The following RBM6 variants were observed in gnomAD, a reference collection of about 807,000 sequenced individuals.
RBM6 encodes the protein RNA-binding protein 6.
Under a neutral mutation model 140.4 loss-of-function variants are expected in RBM6, and 23 were observed. The ratio of observed to expected loss-of-function variants is 0.16; its 90% CI spans 0.12 to 0.23. The LOEUF (loss-of-function observed/expected upper bound fraction) is 0.23. Ranked by LOEUF, RBM6 falls within the 10% of genes least tolerant of loss-of-function variation. The pLI is 1.00. For synonymous variants in RBM6, 439 were observed against 475.6 expected, an observed-to-expected ratio of 0.92 and a Z score of 1.00; for missense variants, 1,139 against 1,386.7, an observed-to-expected ratio of 0.82 and a Z score of 2.84.
chr3:50,000,176 T>C (rs73832789), intron 6 of RBM6, among the ~76,000 whole-genome samples: 3,190 of 152,250 alleles, frequency 0.021, 139 homozygotes, highest in African/African-American at 0.074. Context: ...TTCATCTATG[T>C]CTTTAATAGA....
At chr3:49,958,235 T>G (rs1404400763) in intron 1 of RBM6, among the ~76,000 whole-genome samples, 1 of 148,780 alleles carries the variant, frequency 6.7e-6, no homozygotes, top group Non-Finnish European at 1.5e-5. Context: ...ACCATCCTGG[T>G]TAACACAGTG....
chr3:49,954,137 G>GA (rs34880436), intron 1 of RBM6, among the ~76,000 whole-genome samples: 2,614 of 136,936 alleles, frequency 0.019, 63 homozygotes, highest in African/African-American at 0.046. Flanking sequence ...TAAGGTCTCA[G>GA]AAAAAAAAAA....
chr3:49,951,956 T>C (rs2083755592), intron 1 of RBM6, among the ~76,000 whole-genome samples: 1 of 151,942 alleles, frequency 6.6e-6, no homozygotes, highest in African/African-American at 2.4e-5. Flanking sequence ...CTCCTGATCT[T>C]GTGGTCCACC....
chr3:49,945,939 G>T (rs1265430006), intron 1 of RBM6, among the ~76,000 whole-genome samples: 1 of 150,432 alleles, frequency 6.6e-6, no homozygotes, highest in Non-Finnish European at 1.5e-5. Context: ...AATCCAGCAG[G>T]ACTGCTGTCT....
Position 50,040,517 on chromosome 3 carries a change from C to CACAT in RBM6, c.1558-7728_1558-7727insACAT, listed in dbSNP as rs1471313217. ...ATACACACACACACACACACACACA[C>CACAT]GTGTGTATATATATACACACACACA... On this transcript the variant is annotated intron_variant, in intron 6 of 20. Coordinates refer to ENST00000266022, the MANE Select transcript of RBM6 (RefSeq NM_005777.3). Among the ~76,000 whole-genome samples, 3 of 140,172 alleles carry CACAT rather than the reference C, an allele frequency of 2.1e-5. No homozygotes were observed. In the East Asian group the frequency reaches 6.0e-4, roughly 28 times the overall value. 92.0% of individuals were successfully genotyped at this position (140,172 alleles called of 152,430 possible).
At chr3:49,947,757 T>C (rs2083558867) in intron 1 of RBM6, among the ~76,000 whole-genome samples, 1 of 152,220 alleles carries the variant, frequency 6.6e-6, no homozygotes, top group African/African-American at 2.4e-5. Context: ...ATTTTTGTTG[T>C]GTAAGAGTCC....
At chr3:50,044,188 C>T (rs115986941) in intron 6 of RBM6, among the ~76,000 whole-genome samples, 1,991 of 152,190 alleles carry the variant, frequency 0.013, 45 homozygotes, top group African/African-American at 0.046. Context: ...TATATGGTAC[C>T]TCTTTAGGAG....
At chr3:50,068,664 A>G in intron 17 of RBM6, 26 bp from the exon 18 acceptor site, 3 of 1,606,162 alleles carry the variant, frequency 1.9e-6, no homozygotes, top group East Asian at 2.2e-5. Flanking sequence ...TTAGACCTAT[A>G]CTCATAGAAT....
At chr3:50,062,151 T>C in intron 15 of RBM6, 43 bp downstream of exon 15, 4 of 1,593,432 alleles carry the variant, frequency 2.5e-6, no homozygotes, top group Non-Finnish European at 3.4e-6. Flanking sequence ...CACATAGTTA[T>C]TAAAATGTTG....
At chr3:50,036,655 T>C (rs1242073659) in intron 6 of RBM6, among the ~76,000 whole-genome samples, 1 of 152,238 alleles carries the variant, frequency 6.6e-6, no homozygotes, top group Non-Finnish European at 1.5e-5. Flanking sequence ...CCAGCCCTCA[T>C]TTTTATCAAG....
intron 6 of RBM6, among the ~76,000 whole-genome samples, chr3:50,002,334 T>A (rs1194982274): frequency 2.0e-5 from 3 of 151,600 alleles, no homozygotes; most frequent in Non-Finnish European, 2.9e-5. Flanking sequence ...CGATCTCAGC[T>A]CATTGCAACC....
intron 2 of RBM6, among the ~76,000 whole-genome samples, chr3:49,965,123 A>G (rs931899468): frequency 6.6e-6 from 1 of 152,344 alleles, no homozygotes; most frequent in Non-Finnish European, 1.5e-5. Flanking sequence ...TATAAAATAC[A>G]AATCTAAGAA....
chr3:50,062,363 G>A (rs968545377), intron 15 of RBM6, among the ~76,000 whole-genome samples: 1 of 152,040 alleles, frequency 6.6e-6, no homozygotes, highest in Non-Finnish European at 1.5e-5. Flanking sequence ...AATTAGCTGC[G>A]TGTGGTGGTA....
At chr3:49,986,055 G>T (rs942678260) in intron 5 of RBM6, among the ~76,000 whole-genome samples, 3 of 151,290 alleles carry the variant, frequency 2.0e-5, no homozygotes, top group African/African-American at 7.3e-5. Flanking sequence ...GCACGGTCTT[G>T]GTTCACTGGC....
intron 1 of RBM6, chr3:49,941,035 A>T (rs1387620429): frequency 2.0e-5 from 3 of 151,946 alleles, no homozygotes; most frequent in Non-Finnish European, 4.4e-5. Flanking sequence ...GTAGACATGC[A>T]GACATGGTCA....
chr3:49,955,844 GTC>G (rs150607037), intron 1 of RBM6, among the ~76,000 whole-genome samples: 10 of 144,992 alleles, frequency 6.9e-5, no homozygotes, highest in South Asian at 2.2e-4. Flanking sequence ...CTCTCTCTGT[GTC>G]TCTCTCTCTC....
At chr3:49,950,558 C>T (rs1358144437) in intron 1 of RBM6, among the ~76,000 whole-genome samples, 3 of 151,976 alleles carry the variant, frequency 2.0e-5, no homozygotes, top group Non-Finnish European at 4.4e-5. Flanking sequence ...AGTTCAAGAC[C>T]AGCCTGGCCA....
intron 5 of RBM6, among the ~76,000 whole-genome samples, chr3:49,982,525 C>A (rs986146933): frequency 4.6e-5 from 7 of 151,928 alleles, no homozygotes; most frequent in African/African-American, 1.7e-4. Context: ...AGCGATTCTC[C>A]TGCCTCAGTC....
At chr3:49,983,173 CTCATGTCCTT>C (rs1254005538) in intron 5 of RBM6, among the ~76,000 whole-genome samples, 1 of 152,180 alleles carries the variant, frequency 6.6e-6, no homozygotes, top group Non-Finnish European at 1.5e-5. Flanking sequence ...GGGTAACAGG[CTCATGTCCTT>C]TCATTATTCA....
Sources: allele counts gnomAD v4.1 joint callset (sites outside exome capture counted in the v4.1 genomes callset), GRCh38; gene constraint gnomAD v4.1.1; transcripts MANE v1.5; gene names NCBI Gene and HGNC (gene_info 2026-07-23, HGNC 2026-07-21).